Variants in SLC43A2 observed in about 807,000 individuals in gnomAD.
SLC43A2 encodes solute carrier family 43 member 2, also known as large neutral amino acids transporter small subunit 4.
A neutral mutation model predicts 63.2 loss-of-function variants in SLC43A2; 38 were observed. The ratio of observed to expected loss-of-function variants is 0.60; its 90% CI spans 0.46 to 0.79. SLC43A2 has a LOEUF of 0.79. SLC43A2 is among the 30% of genes least tolerant of loss of function. The pLI is 0.00. For missense variants in SLC43A2, 644 were observed against 756.2 expected, an observed-to-expected ratio of 0.85 and a Z score of 1.74; for synonymous variants, 322 against 331.0, an observed-to-expected ratio of 0.97 and a Z score of 0.30.
intron 5 of SLC43A2, among the ~76,000 whole-genome samples, chr17:1,610,107 T>C (rs908785832): frequency 6.6e-6 from 1 of 151,652 alleles, no homozygotes; most frequent in Non-Finnish European, 1.5e-5. Context: ...AGATGGGGTT[T>C]CATTTCACCA....
rs577738672 is a variant in SLC43A2 at position 1,581,078 on chromosome 17, C to T, written c.1350+2126G>A. Among the ~76,000 whole-genome samples the T allele has an allele frequency of 9.2e-5, 14 of 152,194 alleles. 1 individual carries two copies. The South Asian group carries it at 1.0e-3, about 11-fold the overall frequency. ...CTCTTGGCCACCAGGTCCCTGTGGT[C>T]GCCTTGTCTTCTGTACACAGCCCTG... On this transcript the variant is annotated intron_variant, in intron 11 of 13. Transcript: ENST00000301335.
At chr17:1,585,131 A>G in intron 10 of SLC43A2, 2 of 985,862 alleles carry the variant, frequency 2.0e-6, no homozygotes, top group Non-Finnish European at 2.4e-6. Context: ...TGGTGTAGCC[A>G]CTGCCAAGGG....
rs915321920 is a variant in SLC43A2 at position 1,606,711 on chromosome 17, C to T, written c.501+6484G>A. Among the ~76,000 whole-genome samples the T allele has an allele frequency of 3.9e-5, 6 of 152,200 alleles. No homozygotes were observed. The highest frequency in any genetic ancestry group is 2.1e-4 in the South Asian group (1 of 4,834). ...GGCACTGAACAAACACTGAGCGTGC[C>T]GTCCAGATGTCCCGGGGGAGGCTGA... On this transcript the variant is annotated intron_variant, in intron 5 of 13. Coordinates refer to ENST00000301335, the MANE Select transcript of SLC43A2 (RefSeq NM_152346.3). The surrounding 1 kb of genome is among the most constrained non-coding windows in gnomAD (Gnocchi z 4.7).
chr17:1,591,735 G>GGGGGA, intron 6 of SLC43A2, 36 bp from the exon 7 acceptor site: 12 of 652,914 alleles, frequency 1.8e-5, no homozygotes, highest in African/African-American at 2.3e-5. Context: ...GGGGGGGGGA[G>GGGGGA]GGGGCAGAGT....
intron 11 of SLC43A2, among the ~76,000 whole-genome samples, chr17:1,580,560 C>T (rs1445564624): frequency 1.3e-5 from 2 of 151,974 alleles, no homozygotes; most frequent in East Asian, 3.9e-4. Context: ...GTGGTTTGTT[C>T]TGTTTTGTTT....
chr17:1,591,180 TC>T, intron 8 of SLC43A2, 88 bp downstream of exon 8: 1 of 1,515,090 alleles, frequency 6.6e-7, no homozygotes, highest in Non-Finnish European at 8.9e-7. Context: ...CGGGGCCGCC[TC>T]CCCTTTTGGG....
At chr17:1,589,575 A>G (rs773855160) in intron 9 of SLC43A2, among the ~76,000 whole-genome samples, 1 of 152,204 alleles carries the variant, frequency 6.6e-6, no homozygotes, top group Non-Finnish European at 1.5e-5. Context: ...AAAACAAGAA[A>G]GAAAGAGACA....
intron 2 of SLC43A2, among the ~76,000 whole-genome samples, chr17:1,621,144 C>T (rs1908115404): frequency 6.6e-6 from 1 of 152,162 alleles, no homozygotes; most frequent in South Asian, 2.1e-4. Context: ...CACCGTTCAG[C>T]CCCACTCACA....
intron 2 of SLC43A2, among the ~76,000 whole-genome samples, chr17:1,617,381 CT>C (rs1777256058): frequency 6.6e-6 from 1 of 152,116 alleles, no homozygotes; most frequent in South Asian, 2.1e-4. Context: ...CCTTCTCCCC[CT>C]GATATTTTCT....
At chr17:1,591,739 G>GGCC in intron 6 of SLC43A2, 40 bp from the exon 7 acceptor site, 7 of 512,292 alleles carry the variant, frequency 1.4e-5, no homozygotes, top group African/African-American at 2.0e-5. Flanking sequence ...GGGGGAGGGG[G>GGCC]CAGAGTTAGC....
Position 1,590,833 on chromosome 17 carries a change from G to T in SLC43A2, c.1047C>A (p.Leu349=). Residue 349 remains leucine, a synonymous_variant, in exon 9 of 14, where the codon CTC becomes CTA. Coordinates refer to ENST00000301335, the MANE Select transcript of SLC43A2 (RefSeq NM_152346.3). ...IFYMGAMNNI[L]KFLVSGDQKT... ...TCTGGTCGCCGCTGACCAGGAACTT[G>T]AGGATGTTGTTCATAGCCCCCATGT... 3 of 1,556,160 alleles carry T rather than the reference G, an allele frequency of 1.9e-6. No individual in the cohort carries two copies. The highest frequency in any genetic ancestry group is 3.5e-4 in the Middle Eastern group (2 of 5,752).
At chr17:1,581,511 G>A (rs1165646603) in intron 11 of SLC43A2, among the ~76,000 whole-genome samples, 1 of 152,188 alleles carries the variant, frequency 6.6e-6, no homozygotes, top group Non-Finnish European at 1.5e-5. Context: ...CCACGGTGGG[G>A]CACACCTGGG....
Position 1,591,485 on chromosome 17 carries a change from A to T in SLC43A2, c.729-14T>A. On this transcript the variant is annotated splice_polypyrimidine_tract_variant and intron_variant, in intron 7 of 13. Transcript: ENST00000301335. ...TTGATCTTCACCCTGGGGCCCCGGG[A>T]GAGTGTCTGTGGGTGCTGCCCGGGA... 6.2e-7 allele frequency: 1 copy of T among 1,611,842 alleles called. No individual in the cohort carries two copies. Among genetic ancestry groups the T allele is most frequent in the Non-Finnish European group, 8.5e-7 (1 of 1,179,626 alleles).
intron 5 of SLC43A2, among the ~76,000 whole-genome samples, chr17:1,603,724 G>T (rs909158015): frequency 6.6e-6 from 1 of 152,268 alleles, no homozygotes; most frequent in East Asian, 1.9e-4. Flanking sequence ...GGCAGAGGTG[G>T]CAGTGAGTTG....
At chr17:1,601,418 G>T (rs562629680) in intron 5 of SLC43A2, among the ~76,000 whole-genome samples, 1 of 152,148 alleles carries the variant, frequency 6.6e-6, no homozygotes, top group Non-Finnish European at 1.5e-5. Context: ...ACCGAACAGA[G>T]CCCCACAGCC....
chr17:1,586,949 C>A, intron 9 of SLC43A2: 1 of 1,528,962 alleles, frequency 6.5e-7, no homozygotes, highest in Non-Finnish European at 8.7e-7. Context: ...CCCCGCTTAC[C>A]CGTGGCCATC....
intron 9 of SLC43A2, chr17:1,587,099 G>A (rs556964955): frequency 2.9e-6 from 3 of 1,030,944 alleles, no homozygotes; most frequent in Non-Finnish European, 4.2e-6. Context: ...TGCGTTTCCC[G>A]CACTGCATTT....
intron 3 of SLC43A2, 176 bp downstream of exon 3, chr17:1,616,386 G>T: frequency 1.5e-6 from 1 of 646,186 alleles, no homozygotes; most frequent in Non-Finnish European, 2.6e-6. Context: ...AGCACGGCGA[G>T]GACCACAGTA....
In SLC43A2 at chr17:1,578,326, G is replaced by C; in HGVS notation, c.1351-3C>G. 1.9e-6 allele frequency: 3 copies of C among 1,613,690 alleles called. No homozygotes were observed. The highest frequency in any genetic ancestry group is 2.5e-6 in the Non-Finnish European group (3 of 1,179,866). ...GTGTGCAGGATGAAGGAGAGGATCTGGGGGAGGAAAAGGCGACTGTGGGCA... is the reference window on the plus strand; with the variant it reads ...GTGTGCAGGATGAAGGAGAGGATCTCGGGGAGGAAAAGGCGACTGTGGGCA... On this transcript the variant is annotated splice_polypyrimidine_tract_variant and splice_region_variant and intron_variant, in intron 11 of 13. Coordinates refer to ENST00000301335, the MANE Select transcript of SLC43A2 (RefSeq NM_152346.3). This position sits in a 1 kb window ranked among gnomAD's most constrained non-coding sequence, Gnocchi z 6.5.
Sources: allele counts gnomAD v4.1 joint callset (sites outside exome capture counted in the v4.1 genomes callset), GRCh38; gene constraint gnomAD v4.1.1; non-coding constraint Gnocchi (gnomAD v3.1); transcripts MANE v1.5; gene names NCBI Gene and HGNC (gene_info 2026-07-23, HGNC 2026-07-21).